The following PATJ variants were observed in gnomAD, a reference collection of about 807,000 sequenced individuals.
PATJ encodes inaD-like protein.
Under a neutral mutation model 224.9 loss-of-function variants are expected in PATJ, and 190 were observed. The observed-to-expected ratio is 0.84, with a 90% CI of 0.75 to 0.95. The LOEUF (loss-of-function observed/expected upper bound fraction) is 0.95, where lower values mean the gene tolerates loss of function less well. Among genes scored for constraint, PATJ ranks in the 40% least tolerant of loss-of-function variants. The pLI is 0.00. For missense variants in PATJ, 2,121 were observed against 2,270.3 expected (o/e 0.93, Z 1.34); for synonymous variants, 769 against 820.3 (o/e 0.94, Z 1.07).
intron 7 of PATJ, among the ~76,000 whole-genome samples, chr1:61,783,283 G>T (rs1262231482): frequency 1.3e-5 from 2 of 152,164 alleles, no homozygotes; most frequent in African/African-American, 4.8e-5. Context: ...ATTTTGTAAA[G>T]TTACCCTTTT....
intron 14 of PATJ, among the ~76,000 whole-genome samples, chr1:61,810,516 G>A (rs957781830): frequency 6.6e-6 from 1 of 151,884 alleles, no homozygotes; most frequent in Non-Finnish European, 1.5e-5. Flanking sequence ...GGCCAACATA[G>A]TGAAACCCTG....
chr1:61,808,606 G>A (rs1163405965), intron 14 of PATJ, 76 bp downstream of exon 14: 1 of 904,236 alleles, frequency 1.1e-6, no homozygotes, highest in Non-Finnish European at 1.8e-6. Context: ...GTCCAGGTTG[G>A]TCTCAAACTC....
chr1:61,804,468 C>T (rs757079427), intron 12 of PATJ, among the ~76,000 whole-genome samples: 72 of 152,014 alleles, frequency 4.7e-4, no homozygotes, highest in Non-Finnish European at 1.9e-4. Flanking sequence ...ATGAGCTGTC[C>T]ATGCTGAAGA....
At chr1:61,767,988 C>T (rs940807852) in intron 4 of PATJ, among the ~76,000 whole-genome samples, 4 of 151,866 alleles carry the variant, frequency 2.6e-5, no homozygotes, top group African/African-American at 9.7e-5. Flanking sequence ...TCTCTTTCAT[C>T]TGACTAGTAA....
intron 27 of PATJ, among the ~76,000 whole-genome samples, chr1:61,964,224 G>A (rs1016015039): frequency 2.0e-5 from 3 of 151,788 alleles, no homozygotes; most frequent in African/African-American, 7.3e-5. Context: ...TGGGATTACA[G>A]GCGTGCACCA....
chr1:61,883,891 G>A (rs1465926902), intron 21 of PATJ, among the ~76,000 whole-genome samples: 1 of 148,174 alleles, frequency 6.7e-6, no homozygotes, highest in East Asian at 2.0e-4. Context: ...TCAGTGAAAT[G>A]TCAGAGTACT....
chr1:62,020,030 G>A (rs534944917), intron 29 of PATJ, among the ~76,000 whole-genome samples: 16 of 152,094 alleles, frequency 1.1e-4, no homozygotes, highest in East Asian at 1.9e-4. Context: ...TTAGCCAGGC[G>A]TGGTGGCATG....
Position 62,052,603 on chromosome 1 carries a change from G to A in PATJ, c.4125+1545G>A, listed in dbSNP as rs551313246. Among the ~76,000 whole-genome samples, 162 of 152,090 alleles carry A rather than the reference G, an allele frequency of 1.1e-3. 1 individual carries two copies. Among genetic ancestry groups the A allele is most frequent in the African/African-American group, 3.4e-3 (142 of 41,488 alleles). Reference sequence around the variant, plus strand: ...CTGAAAATACAAAAATTAGCTGGGCGTGGTGGTGCATGACTCTAATCCCAG... The same window carrying A: ...CTGAAAATACAAAAATTAGCTGGGCATGGTGGTGCATGACTCTAATCCCAG... On this transcript the variant is annotated intron_variant, in intron 31 of 43. Coordinates refer to ENST00000642238, the MANE Select transcript of PATJ (RefSeq NM_001350145.3).
At chr1:61,876,842 T>G (rs1435522984) in intron 21 of PATJ, among the ~76,000 whole-genome samples, 1 of 152,204 alleles carries the variant, frequency 6.6e-6, no homozygotes, top group Non-Finnish European at 1.5e-5. Flanking sequence ...GAGATATTCT[T>G]GACCTTTTGG....
intron 26 of PATJ, among the ~76,000 whole-genome samples, chr1:61,923,878 C>A (rs111360054): frequency 7.1e-4 from 105 of 148,474 alleles, no homozygotes; most frequent in African/African-American, 2.5e-3. Context: ...GCTGAGATCT[C>A]GCCATTGCAC....
At chr1:62,157,295 G>A (rs1312765612) in intron 43 of PATJ, among the ~76,000 whole-genome samples, 1 of 150,934 alleles carries the variant, frequency 6.6e-6, no homozygotes, top group East Asian at 1.9e-4. Flanking sequence ...TTGCACTCCA[G>A]CCTGGATGAC....
chr1:61,961,848 G>A (rs1681333344), intron 27 of PATJ, among the ~76,000 whole-genome samples: 1 of 151,550 alleles, frequency 6.6e-6, no homozygotes, highest in Non-Finnish European at 1.5e-5. Flanking sequence ...GCATGCCTGT[G>A]ATCCCAGCTA....
intron 38 of PATJ, 117 bp from the exon 39 acceptor site, chr1:62,122,904 C>CT: frequency 3.6e-6 from 2 of 561,090 alleles, no homozygotes; most frequent in Non-Finnish European, 5.8e-6. Flanking sequence ...TACCTGCTTG[C>CT]TTTAGTGTCT....
Position 61,856,801 on chromosome 1 carries a change from C to G in PATJ, c.2322+562C>G, listed in dbSNP as rs374740899. ...AGAGATGGGGTTTCACCATGTTGGC[C>G]AGGCTGGTCTTGAAGTCCTGAGCTC... On this transcript the variant is annotated intron_variant, in intron 18 of 43. Transcript: ENST00000642238. Among the ~76,000 whole-genome samples, 32 of 152,252 alleles carry G rather than the reference C, an allele frequency of 2.1e-4. No individual in the cohort carries two copies. The South Asian group carries it at 6.6e-3, about 32-fold the overall frequency.
In PATJ at chr1:61,990,263, A is replaced by G. The variant is rs77717948; in HGVS notation, c.3766A>G (p.Asn1256Asp). Residue 1256 changes from asparagine to aspartate, a missense_variant, in exon 28 of 44, where the codon AAT (asparagine) becomes GAT (aspartate). Physicochemically the swap from Asn to Asp is conservative, Grantham distance 23. Transcript: ENST00000642238. Reference sequence around the variant, plus strand: ...TGGACTTGGACTCAGCCTTGCTGGTAATAAAGACCGATCACGCATGAGCAT... The same window carrying G: ...TGGACTTGGACTCAGCCTTGCTGGTGATAAAGACCGATCACGCATGAGCAT... ...KNGLGLSLAG[N>D]KDRSRMSIFV... 734 of 1,614,038 alleles carry G rather than the reference A, an allele frequency of 4.5e-4. 2 individuals are homozygous for G. The African/African-American group carries it at 9.1e-3, about 20-fold the overall frequency.
chr1:62,030,936 G>A (rs893339669), intron 29 of PATJ, among the ~76,000 whole-genome samples: 13 of 152,232 alleles, frequency 8.5e-5, no homozygotes, highest in Admixed American at 3.9e-4. Context: ...CATTTGGGTT[G>A]TTTCCAGTTT....
At chr1:61,886,465 A>T (rs1161829043) in intron 22 of PATJ, among the ~76,000 whole-genome samples, 1 of 152,106 alleles carries the variant, frequency 6.6e-6, no homozygotes, top group Non-Finnish European at 1.5e-5. Flanking sequence ...AGAGTTGTGT[A>T]TTGAGAATTG....
Position 61,751,097 on chromosome 1 carries a change from A to T in PATJ, c.-36+8542A>T, listed in dbSNP as rs573686145. ...ACTCACTGCAATGTCTGCCTCATGG[A>T]TTCAAGTGATTCTCCTGCCTCAGCC... On this transcript the variant is annotated intron_variant, in intron 1 of 43. Transcript: ENST00000642238. Among the ~76,000 whole-genome samples, 10 of 148,284 alleles carry T rather than the reference A, an allele frequency of 6.7e-5. No homozygotes were observed. In the Admixed American group the frequency reaches 6.9e-4, roughly 10 times the overall value.
chr1:62,125,261 AAACAAAAAAAAAAC>A (rs1558204001), intron 39 of PATJ, among the ~76,000 whole-genome samples: 4 of 110,850 alleles, frequency 3.6e-5, no homozygotes, highest in East Asian at 2.7e-4. Context: ...AAACAAAAAA[AAACAAAAAAAAAAC>A]GCCATTAGCT....
Sources: gnomAD v4.1 joint callset for allele counts (sites outside exome capture counted in the v4.1 genomes callset) on GRCh38, gnomAD v4.1.1 for gene constraint, MANE v1.5 for transcripts, NCBI Gene and HGNC (gene_info 2026-07-23, HGNC 2026-07-21) for gene names.